Variants in CHSY1 observed in about 807,000 individuals in gnomAD.
The protein encoded by CHSY1 is N-acetylgalactosaminyl-proteoglycan 3-beta-glucuronosyltransferase 1.
Under a neutral mutation model 59.8 loss-of-function variants are expected in CHSY1, and 13 were observed. That is an observed-to-expected ratio of 0.22 (90% confidence interval 0.14 to 0.35). The LOEUF (loss-of-function observed/expected upper bound fraction) is 0.35. Ranked by LOEUF, CHSY1 falls within the 10% of genes least tolerant of loss-of-function variation. The probability of loss-of-function intolerance (pLI) is 1.00; values close to 1 mark genes in which losing one functional copy is unlikely to be tolerated. For missense variants in CHSY1, 947 were observed against 1,030.6 expected, an observed-to-expected ratio of 0.92 and a Z score of 1.11; for synonymous variants, 459 against 401.2, an observed-to-expected ratio of 1.14 and a Z score of -1.72.
intron 2 of CHSY1, among the ~76,000 whole-genome samples, chr15:101,216,175 T>C (rs888454566): frequency 2.8e-5 from 4 of 140,728 alleles, no homozygotes; most frequent in Non-Finnish European, 4.5e-5. Context: ...AAAAACCTCT[T>C]CCTAAAACAA....
chr15:101,227,770 T>G (rs1202169533), intron 2 of CHSY1, among the ~76,000 whole-genome samples: 1 of 152,204 alleles, frequency 6.6e-6, no homozygotes, highest in African/African-American at 2.4e-5. Flanking sequence ...GCCAATAACT[T>G]TTTAGTTCCA....
Position 101,186,767 on chromosome 15 carries a change from A to G in CHSY1, c.817-7787T>C, listed in dbSNP as rs1156488733. The G allele has an allele frequency of 6.6e-5, 10 of 151,944 alleles. No homozygotes were observed. In the Admixed American group the frequency reaches 6.6e-4, roughly 10 times the overall value. 9.4% of individuals were successfully genotyped at this position (151,944 alleles called of 1,614,324 possible). A position where few individuals can be genotyped will look rare whatever the true frequency, so the allele number is the denominator to read the frequency against. On this transcript the variant is annotated intron_variant, in intron 2 of 2. Transcript: ENST00000254190. ...CAGTGAGCCATGATCGCACTACTGC[A>G]CTCCAGCCTAGGTGACAGTGCAAGA...
intron 2 of CHSY1, among the ~76,000 whole-genome samples, chr15:101,221,390 C>A (rs556289442): frequency 6.6e-6 from 1 of 152,124 alleles, no homozygotes; most frequent in Admixed American, 6.6e-5. Flanking sequence ...CTACTCAGGA[C>A]GCTGGGGCAC....
chr15:101,184,154 CCA>C (rs1016651404), intron 2 of CHSY1, among the ~76,000 whole-genome samples: 11 of 152,190 alleles, frequency 7.2e-5, no homozygotes, highest in African/African-American at 2.4e-4. Flanking sequence ...CAACACATCC[CCA>C]CACATTTTCA....
At chr15:101,191,218 G>A (rs1281539655) in intron 2 of CHSY1, among the ~76,000 whole-genome samples, 4 of 152,138 alleles carry the variant, frequency 2.6e-5, no homozygotes, top group Non-Finnish European at 5.9e-5. Context: ...TCAGATAATG[G>A]AATACTATTC....
intron 2 of CHSY1, among the ~76,000 whole-genome samples, chr15:101,192,696 G>A (rs1266352674): frequency 2.9e-5 from 1 of 34,228 alleles, no homozygotes; most frequent in Non-Finnish European, 5.0e-5. Context: ...TTGAAGGCAG[G>A]TCTCACAGCA....
At chr15:101,191,269 C>T (rs534402754) in intron 2 of CHSY1, among the ~76,000 whole-genome samples, 3 of 152,236 alleles carry the variant, frequency 2.0e-5, no homozygotes, top group Admixed American at 6.5e-5. Context: ...TGAAAAGACA[C>T]GGAAGAAAGT....
intron 2 of CHSY1, among the ~76,000 whole-genome samples, chr15:101,194,674 G>T (rs2038486448): frequency 6.6e-6 from 1 of 152,252 alleles, no homozygotes; most frequent in South Asian, 2.1e-4. Context: ...ACTCCTCCTA[G>T]AACAGATCTG....
chr15:101,225,381 TTTGAATA>T (rs1465755453), intron 2 of CHSY1, among the ~76,000 whole-genome samples: 1 of 152,222 alleles, frequency 6.6e-6, no homozygotes, highest in East Asian at 1.9e-4. Context: ...TTCAAAATGC[TTTGAATA>T]TTGATATACG....
At chr15:101,246,156 C>T (rs990822877) in intron 1 of CHSY1, among the ~76,000 whole-genome samples, 4 of 152,168 alleles carry the variant, frequency 2.6e-5, no homozygotes, top group African/African-American at 9.7e-5. Context: ...CAGACTGATG[C>T]TAATCTGTAA....
intron 1 of CHSY1, among the ~76,000 whole-genome samples, chr15:101,240,101 G>A (rs2038987675): frequency 6.6e-6 from 1 of 151,896 alleles, no homozygotes; most frequent in Non-Finnish European, 1.5e-5. Context: ...AAAACCTCAT[G>A]TTGTCCTTTT....
intron 2 of CHSY1, among the ~76,000 whole-genome samples, chr15:101,232,083 T>C (rs1267173529): frequency 6.6e-6 from 1 of 152,232 alleles, no homozygotes; most frequent in Non-Finnish European, 1.5e-5. Context: ...ATCTAGACTT[T>C]GATTTTGACA....
Position 101,177,880 on chromosome 15 carries a change from T to C in CHSY1, c.1917A>G (p.Glu639=). Residue 639 remains glutamate (E), a synonymous_variant, in exon 3 of 3, where the codon GAA becomes GAG. Transcript: ENST00000254190. ...FCDVDLVFTT[E]FLQRCRANTV... is the part of the protein sequence containing the mutation. ...TATTTGCTCGACATCGCTGAAGGAA[T>C]TCTGTAGTAAACACGAGGTCGACGT... The C allele has an allele frequency of 1.2e-6, 2 of 1,614,202 alleles. No individual in the cohort carries two copies. Among genetic ancestry groups the C allele is most frequent in the Non-Finnish European group, 1.7e-6 (2 of 1,180,026 alleles).
intron 1 of CHSY1, among the ~76,000 whole-genome samples, 164 bp downstream of exon 1, chr15:101,250,973 T>G (rs1316221582): frequency 1.3e-5 from 2 of 152,066 alleles, no homozygotes; most frequent in Non-Finnish European, 2.9e-5. Context: ...CCGCCTCTGA[T>G]CTTTTCTCCC....
chr15:101,243,740 A>G (rs1165645179), intron 1 of CHSY1, among the ~76,000 whole-genome samples: 1 of 152,258 alleles, frequency 6.6e-6, no homozygotes, highest in Non-Finnish European at 1.5e-5. Flanking sequence ...CCTGCCGGTC[A>G]AGGACAACTT....
intron 2 of CHSY1, among the ~76,000 whole-genome samples, chr15:101,212,049 A>C (rs2038687675): frequency 6.6e-6 from 1 of 152,226 alleles, no homozygotes; most frequent in African/African-American, 2.4e-5. Context: ...CAATAAGCAC[A>C]TGGAAAGGCA....
intron 1 of CHSY1, among the ~76,000 whole-genome samples, chr15:101,237,672 G>A (rs2038960595): frequency 6.6e-6 from 1 of 152,190 alleles, no homozygotes; most frequent in Non-Finnish European, 1.5e-5. Flanking sequence ...ACCACGTAAA[G>A]GCTGCTTCTG....
Position 101,231,573 on chromosome 15 carries a change from C to A in CHSY1, c.816+3509G>T, listed in dbSNP as rs118150411. On this transcript the variant is annotated intron_variant, in intron 2 of 2. Coordinates refer to ENST00000254190, the MANE Select transcript of CHSY1 (RefSeq NM_014918.5). The stretch of plus-strand genomic sequence containing the variant: ...ACCTTTGCCTATCTCCAAATTTCAT[C>A]AATAATCATTACTGTCTACAGCTTC... 1.7e-3 allele frequency among the ~76,000 whole-genome samples: 255 copies of A among 152,256 alleles called. 4 individuals are homozygous for A. The East Asian group carries it at 0.044, about 26-fold the overall frequency.
intron 2 of CHSY1, among the ~76,000 whole-genome samples, chr15:101,221,283 C>G (rs1162565353): frequency 1.3e-5 from 2 of 152,184 alleles, no homozygotes; most frequent in African/African-American, 4.8e-5. Context: ...CACTTGAGAT[C>G]AGAAGTTCAA....
Sources: allele counts gnomAD v4.1 joint callset (sites outside exome capture counted in the v4.1 genomes callset), GRCh38; gene constraint gnomAD v4.1.1; transcripts MANE v1.5; gene names NCBI Gene and HGNC (gene_info 2026-07-23, HGNC 2026-07-21).